PTCHD4: variants seen among roughly 807,000 people sequenced by gnomAD.
PTCHD4 encodes the protein patched domain-containing protein 4.
Under a neutral mutation model 58.1 loss-of-function variants are expected in PTCHD4, and 33 were observed. The observed-to-expected ratio is 0.57, with a 90% CI of 0.43 to 0.76. The LOEUF is 0.76. Ranked by LOEUF, PTCHD4 falls within the 30% of genes least tolerant of loss-of-function variation. PTCHD4 has a pLI of 0.00. For synonymous variants in PTCHD4, 478 were observed against 409.6 expected (o/e 1.17, Z -2.02); for missense variants, 1,058 against 1,027.1 (o/e 1.03, Z -0.41).
Position 47,874,185 on chromosome 6 carries a change from A to G in PTCHD4, c.*4118T>C, listed in dbSNP as rs1488455388. 6.6e-6 allele frequency among the ~76,000 whole-genome samples: 1 copy of G among 151,716 alleles called. No homozygotes were observed. Among genetic ancestry groups the G allele is most frequent in the Non-Finnish European group, 1.5e-5 (1 of 67,804 alleles). On this transcript the variant is annotated 3_prime_UTR_variant, in exon 5 of 5. Transcript: ENST00000339488. The stretch of plus-strand genomic sequence containing the variant: ...CTGGAAGCCAGATTTCACTTCTGAG[A>G]TTTTCCGAAGTCCATTCTAGAAGAG...
At chr6:47,916,161 G>A (rs1217372960) in intron 4 of PTCHD4, among the ~76,000 whole-genome samples, 2 of 152,054 alleles carry the variant, frequency 1.3e-5, no homozygotes, top group Non-Finnish European at 2.9e-5. Context: ...GTGCAGTGTG[G>A]CTCAAGATAA....
intron 4 of PTCHD4, among the ~76,000 whole-genome samples, chr6:48,004,941 T>G (rs1207779315): frequency 6.6e-6 from 1 of 152,084 alleles, no homozygotes; most frequent in Non-Finnish European, 1.5e-5. Context: ...ATTATTAGAA[T>G]TTTGGAATTC....
intron 3 of PTCHD4, among the ~76,000 whole-genome samples, chr6:48,015,046 C>T (rs1187766220): frequency 6.6e-6 from 1 of 150,560 alleles, no homozygotes; most frequent in African/African-American, 2.5e-5. Flanking sequence ...TCAACTTCTT[C>T]TTTTCCCCAA....
At chr6:48,102,606 C>G (rs1185768999) in intron 1 of PTCHD4, among the ~76,000 whole-genome samples, 5 of 152,288 alleles carry the variant, frequency 3.3e-5, no homozygotes, top group Non-Finnish European at 7.3e-5. Flanking sequence ...GAGTGCCGGA[C>G]AGTGGGTGCA....
chr6:48,026,095 T>G (rs1026799599), intron 3 of PTCHD4, among the ~76,000 whole-genome samples: 1 of 152,108 alleles, frequency 6.6e-6, no homozygotes, highest in East Asian at 1.9e-4. Flanking sequence ...CCATTGAAAA[T>G]CTTTAAAACT....
intron 3 of PTCHD4, among the ~76,000 whole-genome samples, chr6:48,067,043 C>T (rs1032243762): frequency 6.6e-6 from 1 of 152,058 alleles, no homozygotes; most frequent in African/African-American, 2.4e-5. Context: ...CATATCTTCA[C>T]ATACATTAAA....
At chr6:48,028,202 C>A (rs1763315560) in intron 3 of PTCHD4, among the ~76,000 whole-genome samples, 1 of 152,078 alleles carries the variant, frequency 6.6e-6, no homozygotes. Flanking sequence ...CTCGGCCTCC[C>A]AAAGTGCTAA....
At position 47,869,867 on chromosome 6, in the gene PTCHD4, G is replaced by A. The variant is rs550977262; in HGVS notation, c.*8436C>T. On this transcript the variant is annotated 3_prime_UTR_variant, in exon 5 of 5. Coordinates refer to ENST00000339488, the MANE Select transcript of PTCHD4 (RefSeq NM_001384253.1). ...TTAGCCTAGAATTAAAAGGTAGCAT[G>A]CTCGAAGTTCTCACTGAGGTTAGAG... Among the ~76,000 whole-genome samples the A allele has an allele frequency of 6.6e-6, 1 of 151,538 alleles. No individual in the cohort carries two copies. Among genetic ancestry groups the A allele is most frequent in the Non-Finnish European group, 1.5e-5 (1 of 67,684 alleles).
At chr6:47,903,653 T>C (rs1168519129) in intron 4 of PTCHD4, among the ~76,000 whole-genome samples, 1 of 152,206 alleles carries the variant, frequency 6.6e-6, no homozygotes, top group Non-Finnish European at 1.5e-5. Context: ...ATTTATTGAA[T>C]GTATACTATG....
At chr6:47,950,482 G>T (rs1340641483) in intron 4 of PTCHD4, among the ~76,000 whole-genome samples, 2 of 152,138 alleles carry the variant, frequency 1.3e-5, no homozygotes, top group Non-Finnish European at 2.9e-5. Flanking sequence ...TATTGGATGA[G>T]AAAGATGAGG....
chr6:47,906,867 T>C (rs546819507), intron 4 of PTCHD4, among the ~76,000 whole-genome samples: 1 of 152,300 alleles, frequency 6.6e-6, no homozygotes, highest in Non-Finnish European at 1.5e-5. Flanking sequence ...AGCCCACTTA[T>C]AGAGTTATTT....
rs572151143 is a variant in PTCHD4 at position 47,880,986 on chromosome 6, G to T, written c.899-1050C>A. On this transcript the variant is annotated intron_variant, in intron 4 of 4. Transcript: ENST00000339488. Reference sequence around the variant, plus strand: ...TATCAATTGGTAGCTTTCTGAGTGAGTGGAAATCTTCATAGATCACTCTTG... The same window carrying T: ...TATCAATTGGTAGCTTTCTGAGTGATTGGAAATCTTCATAGATCACTCTTG... Among the ~76,000 whole-genome samples, 8 of 152,290 alleles carry T rather than the reference G, an allele frequency of 5.3e-5. No individual in the cohort carries two copies. In the South Asian group the frequency reaches 1.7e-3, roughly 32 times the overall value.
intron 4 of PTCHD4, among the ~76,000 whole-genome samples, chr6:47,968,919 A>C (rs1478923854): frequency 6.6e-6 from 1 of 152,196 alleles, no homozygotes; most frequent in Non-Finnish European, 1.5e-5. Flanking sequence ...TCTACTTCTT[A>C]TTCTCAATTT....
At position 47,877,552 on chromosome 6, in the gene PTCHD4, A is replaced by C. The variant is rs1469935125; in HGVS notation, c.*751T>G. ...CTAGATGACTGCTGACATGATATGC[A>C]TAATCTAATGAACTCACATCTCTGT... On this transcript the variant is annotated 3_prime_UTR_variant, in exon 5 of 5. Coordinates refer to ENST00000339488, the MANE Select transcript of PTCHD4 (RefSeq NM_001384253.1). 1.3e-5 allele frequency among the ~76,000 whole-genome samples: 2 copies of C among 152,086 alleles called. No individual in the cohort carries two copies. The highest frequency in any genetic ancestry group is 2.9e-5 in the Non-Finnish European group (2 of 67,978).
chr6:48,095,637 C>G (rs1448803977), intron 1 of PTCHD4, among the ~76,000 whole-genome samples: 1 of 149,994 alleles, frequency 6.7e-6, no homozygotes, highest in Non-Finnish European at 1.5e-5. Context: ...TGCACTGAGC[C>G]AAGATTGCGC....
chr6:47,982,178 T>C (rs1278659815), intron 4 of PTCHD4, among the ~76,000 whole-genome samples: 1 of 152,196 alleles, frequency 6.6e-6, no homozygotes, highest in Admixed American at 6.5e-5. Context: ...TTTGGGGTTG[T>C]GACTCTTTCT....
chr6:48,083,549 A>G (rs1765205376), intron 1 of PTCHD4, among the ~76,000 whole-genome samples: 1 of 152,152 alleles, frequency 6.6e-6, no homozygotes, highest in Admixed American at 6.6e-5. Flanking sequence ...AGATATAATT[A>G]GGATTATGGG....
At chr6:48,090,118 T>A (rs531112027) in intron 1 of PTCHD4, among the ~76,000 whole-genome samples, 3 of 152,334 alleles carry the variant, frequency 2.0e-5, no homozygotes, top group Admixed American at 6.5e-5. Flanking sequence ...TCTACAGTGT[T>A]ATACAAATTT....
chr6:47,989,504 C>T (rs972569546), intron 4 of PTCHD4, among the ~76,000 whole-genome samples: 2 of 152,108 alleles, frequency 1.3e-5, no homozygotes. Flanking sequence ...GTCCAGGGTC[C>T]CTGTGCTGTG....
Sources: gnomAD v4.1 joint callset for allele counts (sites outside exome capture counted in the v4.1 genomes callset) on GRCh38, gnomAD v4.1.1 for gene constraint, MANE v1.5 for transcripts, NCBI Gene and HGNC (gene_info 2026-07-23, HGNC 2026-07-21) for gene names.